AGAP1: variants seen among roughly 807,000 people sequenced by gnomAD.
The protein encoded by AGAP1 is ArfGAP with GTPase domain, ankyrin repeat and PH domain 1, also known as arf-GAP with GTPase, ANK repeat and PH domain-containing protein 1.
A neutral mutation model predicts 105.3 loss-of-function variants in AGAP1; 29 were observed. The observed-to-expected ratio is 0.28, with a 90% CI of 0.21 to 0.38. The LOEUF is 0.38. Among genes scored for constraint, AGAP1 ranks in the 10% least tolerant of loss-of-function variants. AGAP1 has a pLI of 1.00. For missense variants in AGAP1, 998 were observed against 1,165.1 expected (o/e 0.86, Z 2.09); for synonymous variants, 509 against 485.9 (o/e 1.05, Z -0.63).
rs894486472 is a variant in AGAP1 at position 235,845,102 on chromosome 2, G to A, written c.1050+37771G>A. Among the ~76,000 whole-genome samples the A allele has an allele frequency of 7.2e-5, 11 of 152,172 alleles. No individual in the cohort carries two copies. Among genetic ancestry groups the A allele is most frequent in the African/African-American group, 2.7e-4 (11 of 41,434 alleles). On this transcript the variant is annotated intron_variant, in intron 9 of 17. Coordinates refer to ENST00000304032, the MANE Select transcript of AGAP1 (RefSeq NM_001037131.3). The surrounding 1 kb of genome is among the most constrained non-coding windows in gnomAD (Gnocchi z 4.8). ...ACAAGGCAGCCTCCTAACAAGTCCT[G>A]TGTCATCCTGTTTAGCCGTTCGCTC...
Position 235,788,660 on chromosome 2 carries a change from G to A in AGAP1, c.674-9099G>A, listed in dbSNP as rs764126003. Among the ~76,000 whole-genome samples the A allele has an allele frequency of 6.6e-6, 1 of 152,150 alleles. No homozygotes were observed. Among genetic ancestry groups the A allele is most frequent in the Admixed American group, 6.5e-5 (1 of 15,272 alleles). On this transcript the variant is annotated intron_variant, in intron 6 of 17. Coordinates refer to ENST00000304032, the MANE Select transcript of AGAP1 (RefSeq NM_001037131.3). The surrounding 1 kb of genome is among the most constrained non-coding windows in gnomAD (Gnocchi z 6.0). ...ACTGACTGGTGGGCGTCCTGTTGGT[G>A]CATGGGGCAGACTGAAGCCTGAGAC...
At position 235,877,766 on chromosome 2, in the gene AGAP1, C is replaced by T. The variant is rs748400282; in HGVS notation, c.1051-5579C>T. Among the ~76,000 whole-genome samples the T allele has an allele frequency of 6.6e-6, 1 of 152,210 alleles. No homozygotes were observed. The highest frequency in any genetic ancestry group is 1.5e-5 in the Non-Finnish European group (1 of 68,042). On this transcript the variant is annotated intron_variant, in intron 9 of 17. Transcript: ENST00000304032. The surrounding 1 kb of genome is among the most constrained non-coding windows in gnomAD (Gnocchi z 4.3). ...GTTTCCCTTGCATCTCAAATTTGCT[C>T]AGACCGTCTGGGGATCTTGTTACAT...
chr2:235,744,550 G>A lies in AGAP1; in HGVS notation c.397-148G>A, dbSNP rs1175542121. On this transcript the variant is annotated intron_variant, in intron 4 of 17. Coordinates refer to ENST00000304032, the MANE Select transcript of AGAP1 (RefSeq NM_001037131.3). This position sits in a 1 kb window ranked among gnomAD's most constrained non-coding sequence, Gnocchi z 5.2. ...GAGGACGTGGATGCCGTGACAGTGT[G>A]TAAAAGTGACAGTCAAAAGTCAAGC... The A allele has an allele frequency of 1.1e-6, 1 of 936,538 alleles. No homozygotes were observed. The highest frequency in any genetic ancestry group is 1.7e-6 in the Non-Finnish European group (1 of 598,370). 58.0% of individuals were successfully genotyped at this position (936,538 alleles called of 1,614,324 possible).
At position 236,036,954 on chromosome 2, in the gene AGAP1, C is replaced by T. The variant is rs1342651969; in HGVS notation, c.1800+239C>T. Among the ~76,000 whole-genome samples the T allele has an allele frequency of 6.6e-6, 1 of 152,348 alleles. No homozygotes were observed. On this transcript the variant is annotated intron_variant, in intron 14 of 17. Coordinates refer to ENST00000304032, the MANE Select transcript of AGAP1 (RefSeq NM_001037131.3). The surrounding 1 kb of genome is among the most constrained non-coding windows in gnomAD (Gnocchi z 5.7). ...GGCAGGAGAGCCAAGGTTAAATCTT[C>T]AGTCTGTCAGCCAATCCCAGAGGGA...
intron 12 of AGAP1, among the ~76,000 whole-genome samples, chr2:235,945,820 C>A (rs531278554): frequency 7.3e-6 from 1 of 137,278 alleles, no homozygotes; most frequent in African/African-American, 2.6e-5. Flanking sequence ...GCTTGGCTTC[C>A]GGGGGGGTGC....
rs2057384897 is a variant in AGAP1, at chr2:236,036,456, C to T, written c.1646-105C>T. ...TCCAGTGCCGTGCGCCTCACCGGTC[C>T]ATGCAGGGGCAGCTGAACCCAGAGG... On this transcript the variant is annotated intron_variant, in intron 13 of 17. Transcript: ENST00000304032. This position sits in a 1 kb window ranked among gnomAD's most constrained non-coding sequence, Gnocchi z 5.7. The T allele has an allele frequency of 2.8e-6, 4 of 1,449,516 alleles. No homozygotes were observed. Among genetic ancestry groups the T allele is most frequent in the Non-Finnish European group, 3.7e-6 (4 of 1,069,466 alleles). 89.8% of individuals were successfully genotyped at this position (1,449,516 alleles called of 1,614,324 possible).
At chr2:236,030,027 T>C (rs143527984) in intron 13 of AGAP1, among the ~76,000 whole-genome samples, 2 of 152,344 alleles carry the variant, frequency 1.3e-5, no homozygotes, top group African/African-American at 4.8e-5. Context: ...CATGATCCCT[T>C]GCACCTGGCC....
In AGAP1 at chr2:235,494,916, C is replaced by G. The variant is rs1676547030; in HGVS notation, c.163+67C>G. ...GCCCGCGGCGCGGCGGGGGTGTGCG[C>G]TGTGTGCGTGCGGGTGTCCACACAC... On this transcript the variant is annotated intron_variant, in intron 1 of 17. Coordinates refer to ENST00000304032, the MANE Select transcript of AGAP1 (RefSeq NM_001037131.3). 4 of 1,462,724 alleles carry G rather than the reference C, an allele frequency of 2.7e-6. No individual in the cohort carries two copies. In the Admixed American group the frequency reaches 7.4e-5, roughly 27 times the overall value. 90.6% of individuals were successfully genotyped at this position (1,462,724 alleles called of 1,614,324 possible).
At chr2:235,530,794 A>G (rs1943018628) in intron 1 of AGAP1, among the ~76,000 whole-genome samples, 2 of 152,306 alleles carry the variant, frequency 1.3e-5, no homozygotes, top group Admixed American at 6.5e-5. Flanking sequence ...CCTCTTTATC[A>G]TGTAAAGTCA....
chr2:235,902,635 G>T (rs1187599961), intron 10 of AGAP1, among the ~76,000 whole-genome samples: 4 of 152,156 alleles, frequency 2.6e-5, no homozygotes, highest in African/African-American at 9.7e-5. Flanking sequence ...ATACAAGTTT[G>T]CCACATACAT....
chr2:236,065,680 CG>C (rs1324455299), intron 16 of AGAP1, among the ~76,000 whole-genome samples: 1 of 152,162 alleles, frequency 6.6e-6, no homozygotes, highest in African/African-American at 2.4e-5. Context: ...CCATTGTTGC[CG>C]GAACACATCA....
intron 9 of AGAP1, among the ~76,000 whole-genome samples, chr2:235,859,739 A>AT (rs1265280416): frequency 6.6e-6 from 1 of 152,200 alleles, no homozygotes; most frequent in African/African-American, 2.4e-5. Context: ...GCTTTGCTGA[A>AT]TAAGTTCTGA....
At chr2:235,685,677 C>A (rs780198392) in intron 1 of AGAP1, among the ~76,000 whole-genome samples, 1 of 151,934 alleles carries the variant, frequency 6.6e-6, no homozygotes, top group Non-Finnish European at 1.5e-5. Context: ...TAGCACCTTT[C>A]GATTTTTTTT....
intron 1 of AGAP1, among the ~76,000 whole-genome samples, chr2:235,510,561 C>G (rs4663600): frequency 0.48 from 73,012 of 151,978 alleles, 18,055 homozygotes; most frequent in Admixed American, 0.57. Flanking sequence ...GGGTAGATAC[C>G]TAGGAGTGGA....
rs1231405749 is a variant in AGAP1 at position 235,557,733 on chromosome 2, C to T, written c.163+62884C>T. On this transcript the variant is annotated intron_variant, in intron 1 of 17. Transcript: ENST00000304032. The surrounding 1 kb of genome is among the most constrained non-coding windows in gnomAD (Gnocchi z 4.7). Reference sequence around the variant, plus strand: ...CAGCCTGACCCCAGAGTGGGCACTTCAGGTCCCGCTCCATGGCCGTGTGCA... The same window carrying T: ...CAGCCTGACCCCAGAGTGGGCACTTTAGGTCCCGCTCCATGGCCGTGTGCA... 6.6e-6 allele frequency among the ~76,000 whole-genome samples: 1 copy of T among 152,140 alleles called. No homozygotes were observed. The highest frequency in any genetic ancestry group is 1.9e-4 in the East Asian group (1 of 5,186).
Position 235,612,145 on chromosome 2 carries a change from A to G in AGAP1, c.164-97034A>G, listed in dbSNP as rs1249195256. On this transcript the variant is annotated intron_variant, in intron 1 of 17. Coordinates refer to ENST00000304032, the MANE Select transcript of AGAP1 (RefSeq NM_001037131.3). The surrounding 1 kb of genome is among the most constrained non-coding windows in gnomAD (Gnocchi z 4.3). Reference sequence around the variant, plus strand: ...CAGGACTTTGTTTTCCAGATGGCTTATTGTTTCACACGTTTTCTTTTCTCA... The same window carrying G: ...CAGGACTTTGTTTTCCAGATGGCTTGTTGTTTCACACGTTTTCTTTTCTCA... Among the ~76,000 whole-genome samples the G allele has an allele frequency of 6.6e-6, 1 of 152,166 alleles. No individual in the cohort carries two copies. Among genetic ancestry groups the G allele is most frequent in the Non-Finnish European group, 1.5e-5 (1 of 68,024 alleles).
rs2052883988 is a variant in AGAP1, at chr2:235,934,400, G to A, written c.1483+3477G>A. 6.6e-6 allele frequency among the ~76,000 whole-genome samples: 1 copy of A among 152,180 alleles called. No homozygotes were observed. The highest frequency in any genetic ancestry group is 2.4e-5 in the African/African-American group (1 of 41,440). On this transcript the variant is annotated intron_variant, in intron 12 of 17. Transcript: ENST00000304032. The surrounding 1 kb of genome is among the most constrained non-coding windows in gnomAD (Gnocchi z 4.9). Reference sequence around the variant, plus strand: ...ACGCATCCTTGTCTGTCTGCGCCGAGGGTACCATCCCGGCGTCCCTCTGGT... The same window carrying A: ...ACGCATCCTTGTCTGTCTGCGCCGAAGGTACCATCCCGGCGTCCCTCTGGT...
intron 3 of AGAP1, among the ~76,000 whole-genome samples, chr2:235,718,860 A>G (rs747542719): frequency 6.6e-6 from 1 of 152,200 alleles, no homozygotes; most frequent in Non-Finnish European, 1.5e-5. Flanking sequence ...GATGCCAGAA[A>G]ATGGCATGAT....
In AGAP1 at chr2:235,582,701, G is replaced by C. The variant is rs547016891; in HGVS notation, c.163+87852G>C. ...TTAGCTGCTGGAGTGATGGCCGAAG[G>C]AGCCTGGGAGAAGTCAGAGAGAGGG... On this transcript the variant is annotated intron_variant, in intron 1 of 17. Transcript: ENST00000304032. This position sits in a 1 kb window ranked among gnomAD's most constrained non-coding sequence, Gnocchi z 4.7. 1.8e-4 allele frequency among the ~76,000 whole-genome samples: 28 copies of C among 152,356 alleles called. 1 individual carries two copies. Among genetic ancestry groups the C allele is most frequent in the South Asian group, 8.3e-4 (4 of 4,828 alleles).
Sources: gnomAD v4.1 joint callset for allele counts (sites outside exome capture counted in the v4.1 genomes callset) on GRCh38, gnomAD v4.1.1 for gene constraint, Gnocchi (gnomAD v3.1) non-coding constraint, MANE v1.5 for transcripts, NCBI Gene and HGNC (gene_info 2026-07-23, HGNC 2026-07-21) for gene names.